Variants in HMMR observed in about 807,000 individuals in gnomAD.
HMMR encodes the protein hyaluronan mediated motility receptor, also known as intracellular hyaluronic acid-binding protein.
A neutral mutation model predicts 101.0 loss-of-function variants in HMMR; 108 were observed. The ratio of observed to expected loss-of-function variants is 1.07; its 90% CI spans 0.92 to 1.25. The LOEUF (loss-of-function observed/expected upper bound fraction) is 1.25, where lower values mean the gene tolerates loss of function less well. Ranked by LOEUF, HMMR falls within the 50% of genes most tolerant of loss-of-function variation. The probability of loss-of-function intolerance (pLI) is 0.00; values close to 1 mark genes in which losing one functional copy is unlikely to be tolerated. For synonymous variants in HMMR, 296 were observed against 276.4 expected (o/e 1.07, Z -0.70); for missense variants, 813 against 788.7 (o/e 1.03, Z -0.37).
Position 163,491,118 on chromosome 5 carries a change from C to G in HMMR, c.2132C>G (p.Thr711Arg), listed in dbSNP as rs1394723979. ...TTTTCAATAATTCTTCTAGGCAATA[C>G]AAACTGTTACCGAGCTCCTATGGAG... ...ALKTPLKEGN[T>R]NCYRAPMECQ... Residue 711 changes from threonine to arginine, a missense_variant, in exon 18 of 18, where the codon ACA becomes AGA. Thr to Arg is a moderately conservative substitution (Grantham distance 71). Coordinates refer to ENST00000393915, the MANE Select transcript of HMMR (RefSeq NM_001142556.2). 1 of 1,557,948 alleles carries G rather than the reference C, an allele frequency of 6.4e-7. No homozygotes were observed. The highest frequency in any genetic ancestry group is 1.2e-5 in the South Asian group (1 of 84,384).
chr5:163,482,922 C>A, intron 13 of HMMR, 98 bp from the exon 14 acceptor site: 1 of 1,346,876 alleles, frequency 7.4e-7, no homozygotes, highest in Non-Finnish European at 1.0e-6. Flanking sequence ...AAAAATGACA[C>A]TTCTTGAAGA....
intron 4 of HMMR, 31 bp from the exon 5 acceptor site, chr5:163,469,610 A>C: frequency 1.3e-6 from 2 of 1,574,610 alleles, no homozygotes; most frequent in African/African-American, 1.4e-5. Flanking sequence ...TCTATCAGTG[A>C]ATCATTTATT....
At chr5:163,491,038 G>T in intron 17 of HMMR, 74 bp from the exon 18 acceptor site, 1 of 796,736 alleles carries the variant, frequency 1.3e-6, no homozygotes, top group Non-Finnish European at 2.0e-6. Flanking sequence ...TACAAGGCCT[G>T]TTTTTAGTTT....
chr5:163,469,725 C>T lies in HMMR; in HGVS notation c.358C>T (p.Leu120=). ...TGAGTTGGAAAAGATGGAAGCAAGG[C>T]TAAATGCTGCACTAAGGGAAAAAAC... is the stretch of plus-strand genomic sequence containing the variant. ...ETELEKMEAR[L]NAALREKTSL... Residue 120 remains leucine (L), a synonymous_variant, in exon 5 of 18, where the codon CTA becomes TTA. Coordinates refer to ENST00000393915, the MANE Select transcript of HMMR (RefSeq NM_001142556.2). The T allele has an allele frequency of 1.9e-6, 3 of 1,613,132 alleles. No homozygotes were observed. The highest frequency in any genetic ancestry group is 2.2e-5 in the South Asian group (2 of 91,058).
chr5:163,491,141 G>C lies in HMMR; in HGVS notation c.2155G>C (p.Glu719Gln). Residue 719 changes from glutamate (E) to glutamine (Q), a missense_variant, in exon 18 of 18, where the codon GAG becomes CAG. Transcript: ENST00000393915. ...TACAAACTGTTACCGAGCTCCTATG[G>C]AGTGTCAAGAATCATGGAAGTAAAC... ...GNTNCYRAPM[E>Q]CQESWK 1 of 1,571,378 alleles carries C rather than the reference G, an allele frequency of 6.4e-7. No individual in the cohort carries two copies. Among genetic ancestry groups the C allele is most frequent in the Non-Finnish European group, 8.7e-7 (1 of 1,153,954 alleles).
At chr5:163,462,811 G>C (rs1482449159) in intron 1 of HMMR, among the ~76,000 whole-genome samples, 1 of 109,644 alleles carries the variant, frequency 9.1e-6, no homozygotes, top group Non-Finnish European at 1.7e-5. Flanking sequence ...CTAGACAACA[G>C]AGCAAGACTC....
rs1219350321 is a variant in HMMR at position 163,482,650 on chromosome 5, CG to C, written c.1395del (p.Leu466Ter). 7.5e-6 allele frequency: 12 copies of C among 1,608,792 alleles called. No individual in the cohort carries two copies. Among genetic ancestry groups the C allele is most frequent in the Non-Finnish European group, 1.0e-5 (12 of 1,175,852 alleles). ...TTTTTCTTTTTAATAAGCTATAAAG[CG>C]TTAACAGCCAGTGAGATAGAAGATC... The part of the protein sequence containing the change: ...DVTAQFESYK[A>X]LTASEIEDLK... On this transcript the variant is annotated frameshift_variant, in exon 13 of 18. Transcript: ENST00000393915. LOFTEE classifies it high-confidence loss of function.
intron 16 of HMMR, among the ~76,000 whole-genome samples, chr5:163,486,690 C>A (rs1406811768): frequency 7.2e-5 from 11 of 152,166 alleles, no homozygotes; most frequent in Non-Finnish European, 4.4e-5. Context: ...GGATGGACAG[C>A]CTTGCTTTGT....
chr5:163,463,875 T>C lies in HMMR; in HGVS notation c.66T>C (p.Gly22=), dbSNP rs767696177. The C allele has an allele frequency of 6.8e-7, 1 of 1,471,326 alleles. No homozygotes were observed. Among genetic ancestry groups the C allele is most frequent in the South Asian group, 1.4e-5 (1 of 71,574 alleles). 91.1% of individuals were successfully genotyped at this position (1,471,326 alleles called of 1,614,324 possible). Residue 22 remains glycine (G), a synonymous_variant, in exon 2 of 18, where the codon GGT becomes GGC. Coordinates refer to ENST00000393915, the MANE Select transcript of HMMR (RefSeq NM_001142556.2). The part of the protein sequence containing the change: ...NDPSGCAPSP[G]AYDVKTLEVL... Reference sequence around the variant, plus strand: ...CTCTAGGTTGTGCACCATCTCCAGGTGCTTATGATGTTAAAACTTTAGAAG... The same window carrying C: ...CTCTAGGTTGTGCACCATCTCCAGGCGCTTATGATGTTAAAACTTTAGAAG...
At chr5:163,483,608 G>T (rs1344254336) in intron 15 of HMMR, among the ~76,000 whole-genome samples, 2 of 151,952 alleles carry the variant, frequency 1.3e-5, no homozygotes, top group East Asian at 1.9e-4. Context: ...ACCCTTTGTG[G>T]TTTAAAAAAA....
intron 16 of HMMR, 84 bp downstream of exon 16, chr5:163,484,329 T>C: frequency 1.5e-6 from 1 of 676,756 alleles, no homozygotes; most frequent in Non-Finnish European, 2.4e-6. Flanking sequence ...ATGAATATCT[T>C]TGGTATCAGA....
chr5:163,467,840 A>T, intron 4 of HMMR, 92 bp downstream of exon 4: 1 of 766,652 alleles, frequency 1.3e-6, no homozygotes, highest in Non-Finnish European at 2.2e-6. Flanking sequence ...CAGTGTGAGG[A>T]GTCCTGCAGT....
chr5:163,464,352 G>A (rs149576671), intron 2 of HMMR, among the ~76,000 whole-genome samples: 4 of 152,282 alleles, frequency 2.6e-5, no homozygotes, highest in East Asian at 1.9e-4. Context: ...AAGGTGGCTC[G>A]TGCTCGTAAT....
intron 7 of HMMR, among the ~76,000 whole-genome samples, chr5:163,472,923 G>A (rs145418777): frequency 6.6e-6 from 1 of 152,082 alleles, no homozygotes; most frequent in Non-Finnish European, 1.5e-5. Context: ...TAACACTTGG[G>A]ATACTGTAAT....
rs1759680122 is a variant in HMMR at position 163,491,119 on chromosome 5, A to G, written c.2133A>G (p.Thr711=). 6.4e-7 allele frequency: 1 copy of G among 1,561,782 alleles called. No individual in the cohort carries two copies. Among genetic ancestry groups the G allele is most frequent in the Non-Finnish European group, 8.7e-7 (1 of 1,148,784 alleles). Residue 711 remains threonine (T), a synonymous_variant, in exon 18 of 18, where the codon ACA becomes ACG. Coordinates refer to ENST00000393915, the MANE Select transcript of HMMR (RefSeq NM_001142556.2). ...TTTCAATAATTCTTCTAGGCAATAC[A>G]AACTGTTACCGAGCTCCTATGGAGT... ...ALKTPLKEGN[T]NCYRAPMECQ... is the part of the protein sequence containing the mutation.
rs756609088 is a variant in HMMR at position 163,461,237 on chromosome 5, T to TAA, written c.46+499_46+500insAA. 1.1e-4 allele frequency among the ~76,000 whole-genome samples: 17 copies of TAA among 152,352 alleles called. No individual in the cohort carries two copies. The East Asian group carries it at 1.7e-3, about 16-fold the overall frequency. On this transcript the variant is annotated intron_variant, in intron 1 of 17. Coordinates refer to ENST00000393915, the MANE Select transcript of HMMR (RefSeq NM_001142556.2). ...AAAACATAAACAATGAAGTTATGGC[T>TAA]GATATTGACCACTTATACCTCAAGC... is the stretch of plus-strand genomic sequence containing the variant.
intron 16 of HMMR, among the ~76,000 whole-genome samples, chr5:163,486,771 G>A (rs1039547338): frequency 2.0e-5 from 3 of 152,186 alleles, no homozygotes; most frequent in Non-Finnish European, 2.9e-5. Context: ...TGTATATAGC[G>A]TGACATTATT....
chr5:163,465,927 C>T (rs1261918409), intron 3 of HMMR, among the ~76,000 whole-genome samples: 2 of 146,406 alleles, frequency 1.4e-5, no homozygotes, highest in African/African-American at 5.1e-5. Flanking sequence ...TGCCACTGTA[C>T]TCCAGCCTGG....
At chr5:163,468,746 A>G (rs1204286840) in intron 4 of HMMR, among the ~76,000 whole-genome samples, 31 of 152,174 alleles carry the variant, frequency 2.0e-4, no homozygotes, top group Non-Finnish European at 7.3e-5. Flanking sequence ...CCAGGATTAG[A>G]ACTAATAATT....
Sources: gnomAD v4.1 joint callset for allele counts (sites outside exome capture counted in the v4.1 genomes callset) on GRCh38, gnomAD v4.1.1 for gene constraint, MANE v1.5 for transcripts, NCBI Gene and HGNC (gene_info 2026-07-23, HGNC 2026-07-21) for gene names.